SMARCA5: variants seen among roughly 807,000 people sequenced by gnomAD.
SMARCA5 encodes SNF2 related chromatin remodeling ATPase 5, also known as SWI/SNF-related matrix-associated actin-dependent regulator of chromatin subfamily A member 5.
In SMARCA5, 18 loss-of-function variants were observed where a neutral mutation model predicts 140.4. That is an observed-to-expected ratio of 0.13 (90% confidence interval 0.09 to 0.19). SMARCA5 has a LOEUF of 0.19. Among genes scored for constraint, SMARCA5 ranks in the 10% least tolerant of loss-of-function variants. The probability of loss-of-function intolerance (pLI) is 1.00; values close to 1 mark genes in which losing one functional copy is unlikely to be tolerated. For missense variants in SMARCA5, 606 were observed against 1,276.8 expected (o/e 0.47, Z 8.01); for synonymous variants, 449 against 419.6 (o/e 1.07, Z -0.86).
chr4:143,545,981 T>A lies in SMARCA5; in HGVS notation c.2454T>A (p.Leu818=). Residue 818 remains leucine (L), a synonymous_variant, in exon 19 of 24, where the codon CTT becomes CTA. Transcript: ENST00000283131. ...NAAQAQKEEQ[L]KIDEAESLND... ...CACAGGCACAAAAAGAAGAACAGCT[T>A]AAAATTGATGAAGCTGAATCCCTTA... is the stretch of plus-strand genomic sequence containing the variant. 1.9e-6 allele frequency: 3 copies of A among 1,610,182 alleles called. No homozygotes were observed. Among genetic ancestry groups the A allele is most frequent in the Non-Finnish European group, 2.5e-6 (3 of 1,177,412 alleles).
At chr4:143,544,490 G>A (rs1737484853) in intron 16 of SMARCA5, 1 of 296,614 alleles carries the variant, frequency 3.4e-6, no homozygotes, top group East Asian at 6.0e-5. Flanking sequence ...ACATTCTGTA[G>A]CATTTCTCCC....
chr4:143,552,572 A>C (rs942523359), intron 23 of SMARCA5, among the ~76,000 whole-genome samples: 1 of 152,076 alleles, frequency 6.6e-6, no homozygotes, highest in African/African-American at 2.4e-5. Flanking sequence ...TTGAGAATAC[A>C]AGTTATAATT....
chr4:143,523,315 C>G (rs1737000944), intron 3 of SMARCA5, among the ~76,000 whole-genome samples: 1 of 150,818 alleles, frequency 6.6e-6, no homozygotes. Context: ...GCGTGAGCCA[C>G]TGTGCCTGGC....
In SMARCA5 at chr4:143,556,212, C is replaced by G. The variant is rs1374427556; in HGVS notation, c.*3028C>G. The G allele has an allele frequency of 1.3e-5, 2 of 152,162 alleles. No individual in the cohort carries two copies. The highest frequency in any genetic ancestry group is 2.9e-5 in the Non-Finnish European group (2 of 68,026). The allele number at this position is 152,162 out of a possible 1,614,324, so 9.4% of individuals were successfully genotyped here. On this transcript the variant is annotated 3_prime_UTR_variant, in exon 24 of 24. Coordinates refer to ENST00000283131, the MANE Select transcript of SMARCA5 (RefSeq NM_003601.4). ...TTCCAGGCATTTCAGATAAGGATTG[C>G]TCCATCTGCCCTTTGAGTATTTAAT...
At chr4:143,542,377 G>A (rs1254471468) in intron 14 of SMARCA5, among the ~76,000 whole-genome samples, 2 of 152,066 alleles carry the variant, frequency 1.3e-5, no homozygotes, top group Admixed American at 6.6e-5. Flanking sequence ...AATTAAAAAC[G>A]AGAGTACACA....
chr4:143,543,338 G>T (rs1406165809), intron 14 of SMARCA5, among the ~76,000 whole-genome samples, 171 bp from the exon 15 acceptor site: 2 of 152,138 alleles, frequency 1.3e-5, no homozygotes, highest in African/African-American at 4.8e-5. Flanking sequence ...TGAAAATTTG[G>T]CATTAAATTT....
Position 143,554,908 on chromosome 4 carries a change from T to G in SMARCA5, c.*1724T>G. The G allele has an allele frequency of 3.0e-6, 1 of 335,404 alleles. No individual in the cohort carries two copies. The highest frequency in any genetic ancestry group is 2.7e-5 in the South Asian group (1 of 36,556). The allele number at this position is 335,404 out of a possible 1,614,324, so 20.8% of individuals were successfully genotyped here. ...AAGTATAGTGGTAGCCCTGAGAGCTTAGGGACTCAAATGGAAACTGTGTGA... is the reference window on the plus strand; with the variant it reads ...AAGTATAGTGGTAGCCCTGAGAGCTGAGGGACTCAAATGGAAACTGTGTGA... On this transcript the variant is annotated 3_prime_UTR_variant, in exon 24 of 24. Coordinates refer to ENST00000283131, the MANE Select transcript of SMARCA5 (RefSeq NM_003601.4).
chr4:143,515,305 G>A (rs982695539), intron 1 of SMARCA5, among the ~76,000 whole-genome samples: 4 of 152,152 alleles, frequency 2.6e-5, no homozygotes, highest in Non-Finnish European at 5.9e-5. Flanking sequence ...TAGGTTTAGT[G>A]ACATAGGAAC....
chr4:143,555,349 C>T lies in SMARCA5; in HGVS notation c.*2165C>T. On this transcript the variant is annotated 3_prime_UTR_variant, in exon 24 of 24. Transcript: ENST00000283131. Reference sequence around the variant, plus strand: ...CATTACCAAATCTATTATAGCAATCCCCACTGCCACCATATCCATCACCAC... The same window carrying T: ...CATTACCAAATCTATTATAGCAATCTCCACTGCCACCATATCCATCACCAC... 1.4e-6 allele frequency: 1 copy of T among 717,100 alleles called. No individual in the cohort carries two copies. Among genetic ancestry groups the T allele is most frequent in the Non-Finnish European group, 2.6e-6 (1 of 388,512 alleles). 44.4% of individuals were successfully genotyped at this position (717,100 alleles called of 1,614,324 possible). A position where few individuals can be genotyped will look rare whatever the true frequency, so the allele number is the denominator to read the frequency against.
chr4:143,522,689 C>G (rs763847241), intron 3 of SMARCA5, among the ~76,000 whole-genome samples: 11 of 152,108 alleles, frequency 7.2e-5, no homozygotes, highest in Non-Finnish European at 7.4e-5. Context: ...TTTCAGACTT[C>G]AGAAGTTTGC....
At chr4:143,515,452 A>C (rs1429164787) in intron 1 of SMARCA5, among the ~76,000 whole-genome samples, 1 of 152,124 alleles carries the variant, frequency 6.6e-6, no homozygotes, top group Non-Finnish European at 1.5e-5. Flanking sequence ...TTTCTGTTCC[A>C]AGGCTTAAGG....
intron 6 of SMARCA5, among the ~76,000 whole-genome samples, chr4:143,526,984 G>C (rs1266775195): frequency 6.6e-6 from 1 of 152,136 alleles, no homozygotes; most frequent in Non-Finnish European, 1.5e-5. Context: ...CTCATTAGAA[G>C]TTATTTTCTT....
chr4:143,514,950 C>T (rs1170439977), intron 1 of SMARCA5, among the ~76,000 whole-genome samples: 1 of 151,948 alleles, frequency 6.6e-6, no homozygotes, highest in African/African-American at 2.4e-5. Flanking sequence ...ACTGAGGGGG[C>T]TGGAAAGATG....
intron 10 of SMARCA5, 36 bp downstream of exon 10, chr4:143,535,000 A>T (rs763648501): frequency 7.5e-7 from 1 of 1,332,984 alleles, no homozygotes; most frequent in Non-Finnish European, 1.0e-6. Flanking sequence ...AGCACTATTG[A>T]TTCTTCCCTA....
intron 16 of SMARCA5, chr4:143,544,223 A>T (rs1169322341): frequency 4.2e-6 from 1 of 236,556 alleles, no homozygotes; most frequent in Non-Finnish European, 8.0e-6. Flanking sequence ...CTTGTATGGG[A>T]TGAATAGTAA....
At chr4:143,521,805 G>A (rs1736964540) in intron 3 of SMARCA5, among the ~76,000 whole-genome samples, 3 of 146,006 alleles carry the variant, frequency 2.1e-5, no homozygotes, top group South Asian at 2.2e-4. Flanking sequence ...GCCTGTAATC[G>A]CAGCATTTTG....
intron 2 of SMARCA5, among the ~76,000 whole-genome samples, chr4:143,520,809 A>G (rs1736942833): frequency 6.6e-6 from 1 of 151,934 alleles, no homozygotes; most frequent in Non-Finnish European, 1.5e-5. Context: ...TTTTTTGCCC[A>G]AGTAAATTTT....
intron 1 of SMARCA5, among the ~76,000 whole-genome samples, chr4:143,517,115 G>A (rs114165879): frequency 6.6e-6 from 1 of 152,274 alleles, no homozygotes; most frequent in Non-Finnish European, 1.5e-5. Flanking sequence ...ATAATCTTGT[G>A]TTCTAATCTT....
At position 143,547,977 on chromosome 4, in the gene SMARCA5, C is replaced by A. The variant is rs1737566081; in HGVS notation, c.2822C>A (p.Thr941Asn). ...PFHQLRISYG[T>N]NKGKNYTEEE... ...CATCAGCTGAGAATATCATATGGTA[C>A]TAACAAAGGAAAAAACTATACTGAA... The change falls in exon 22 of 24, where the codon ACT becomes AAT. Residue 941 changes from threonine to asparagine, a missense_variant. Physicochemically the swap from Thr to Asn is moderately conservative, Grantham distance 65. This residue lies in a region of SMARCA5 where 121 missense variants were observed against 227.1 expected (regional missense o/e 0.53). Transcript: ENST00000283131. The A allele has an allele frequency of 3.1e-6, 5 of 1,611,376 alleles. No homozygotes were observed. Among genetic ancestry groups the A allele is most frequent in the Non-Finnish European group, 4.2e-6 (5 of 1,178,232 alleles).
Sources: gnomAD v4.1 joint callset for allele counts (sites outside exome capture counted in the v4.1 genomes callset) on GRCh38, gnomAD v4.1.1 for gene constraint, gnomAD v4.1.1 regional missense constraint, MANE v1.5 for transcripts, NCBI Gene and HGNC (gene_info 2026-07-23, HGNC 2026-07-21) for gene names.